Variants in RB1 observed in about 807,000 individuals in gnomAD.
The protein encoded by RB1 is retinoblastoma-associated protein.
Under a neutral mutation model 135.4 loss-of-function variants are expected in RB1, and 18 were observed. The ratio of observed to expected loss-of-function variants is 0.13; its 90% confidence interval spans 0.09 to 0.20. The LOEUF (loss-of-function observed/expected upper bound fraction) is 0.20. RB1 is among the 10% of genes least tolerant of loss of function. RB1 has a pLI of 1.00. For missense variants in RB1, 868 were observed against 1,110.0 expected (o/e 0.78, Z 3.10); for synonymous variants, 365 against 373.2 (o/e 0.98, Z 0.25).
rs1327245272 is a variant in RB1, at chr13:48,480,126, CAG to C, written c.*57_*58del. ...ACACCTCTGGATTCATTGTCTCTCA[CAG>C]ATGTGACTGTATAACTTTCCCAGGT... is the stretch of plus-strand genomic sequence containing the variant. On this transcript the variant is annotated 3_prime_UTR_variant, in exon 27 of 27. Transcript: ENST00000267163. The C allele has an allele frequency of 1.4e-6, 2 of 1,425,178 alleles. No homozygotes were observed. The highest frequency in any genetic ancestry group is 4.7e-5 in the East Asian group (2 of 42,644). The allele number at this position is 1,425,178 out of a possible 1,614,324, so 88.3% of individuals were successfully genotyped here. A position where few individuals can be genotyped will look rare whatever the true frequency, so the allele number is the denominator to read the frequency against.
At chr13:48,421,435 A>G (rs1305715810) in intron 17 of RB1, among the ~76,000 whole-genome samples, 1 of 152,202 alleles carries the variant, frequency 6.6e-6, no homozygotes, top group East Asian at 1.9e-4. Context: ...CCTAGGCAAT[A>G]CCATTCAGGA....
intron 23 of RB1, among the ~76,000 whole-genome samples, chr13:48,472,896 G>T (rs770263754): frequency 3.3e-5 from 5 of 152,032 alleles, no homozygotes; most frequent in Non-Finnish European, 7.4e-5. Context: ...GACTAATAAA[G>T]ATTTCTGACT....
chr13:48,397,725 A>T (rs1442637306), intron 17 of RB1, among the ~76,000 whole-genome samples: 1 of 152,216 alleles, frequency 6.6e-6, no homozygotes, highest in Non-Finnish European at 1.5e-5. Context: ...TATGAGTATA[A>T]TTTGTAATGA....
chr13:48,386,074 A>C (rs1442325310), intron 17 of RB1, among the ~76,000 whole-genome samples: 1 of 149,208 alleles, frequency 6.7e-6, no homozygotes, highest in Non-Finnish European at 1.5e-5. Context: ...GTGTGATGGC[A>C]TGGTGGCATG....
chr13:48,328,188 G>T, intron 2 of RB1: 1 of 1,483,856 alleles, frequency 6.7e-7, no homozygotes, highest in Admixed American at 1.7e-5. Context: ...GTTTGGTCCA[G>T]CTGATGTTGG....
chr13:48,326,909 C>T (rs1331193667), intron 2 of RB1, among the ~76,000 whole-genome samples: 5 of 151,880 alleles, frequency 3.3e-5, no homozygotes, highest in African/African-American at 1.2e-4. Context: ...AGAAAACACC[C>T]TACAATACAC....
At position 48,459,809 on chromosome 13, in the gene RB1, C is replaced by G. The variant is rs762033186; in HGVS notation, c.2082C>G (p.Leu694=). The part of the protein sequence containing the change: ...FQHTLQNEYE[L]MRDRHLDQIM... ...ACACCCTGCAGAATGAGTATGAACT[C>G]ATGAGAGACAGGCATTTGGACCAAG... Residue 694 remains leucine, a synonymous_variant, in exon 20 of 27, where the codon CTC becomes CTG. Transcript: ENST00000267163. The G allele has an allele frequency of 1.2e-6, 2 of 1,613,890 alleles. No individual in the cohort carries two copies. The highest frequency in any genetic ancestry group is 1.7e-6 in the Non-Finnish European group (2 of 1,179,876).
At chr13:48,448,338 A>G (rs1030525657) in intron 17 of RB1, among the ~76,000 whole-genome samples, 2 of 152,124 alleles carry the variant, frequency 1.3e-5, no homozygotes, top group Non-Finnish European at 2.9e-5. Context: ...TTTCCAAAGC[A>G]TACATGCCAC....
intron 17 of RB1, among the ~76,000 whole-genome samples, chr13:48,395,848 CA>C (rs1321543414): frequency 6.6e-6 from 1 of 152,118 alleles, no homozygotes; most frequent in Non-Finnish European, 1.5e-5. Context: ...CCCAACAAAA[CA>C]GGCCAACATT....
At chr13:48,369,849 CCA>C (rs542943451) in intron 11 of RB1, among the ~76,000 whole-genome samples, 200 of 152,058 alleles carry the variant, frequency 1.3e-3, no homozygotes, top group African/African-American at 4.6e-3. Context: ...AGCATGTATC[CCA>C]ATTTATATTG....
At chr13:48,337,316 G>A (rs1952394395) in intron 2 of RB1, among the ~76,000 whole-genome samples, 1 of 152,184 alleles carries the variant, frequency 6.6e-6, no homozygotes, top group Admixed American at 6.5e-5. Context: ...GAGAGTCTAA[G>A]TCTCTTTGTA....
intron 17 of RB1, among the ~76,000 whole-genome samples, chr13:48,398,428 C>T (rs968234784): frequency 2.0e-5 from 3 of 152,014 alleles, no homozygotes; most frequent in African/African-American, 4.8e-5. Flanking sequence ...CCCACTATGT[C>T]TATTTTTCCA....
At chr13:48,306,787 T>C (rs1952084287) in intron 1 of RB1, among the ~76,000 whole-genome samples, 1 of 152,264 alleles carries the variant, frequency 6.6e-6, no homozygotes, top group African/African-American at 2.4e-5. Flanking sequence ...TATTAAATGC[T>C]TGTCTTTGTT....
intron 1 of RB1, among the ~76,000 whole-genome samples, chr13:48,306,005 C>T (rs919981515): frequency 2.6e-5 from 4 of 152,192 alleles, no homozygotes; most frequent in East Asian, 1.9e-4. Context: ...TGTGATGGCG[C>T]GTACCTGTAG....
intron 2 of RB1, among the ~76,000 whole-genome samples, chr13:48,332,001 C>G (rs557026626): frequency 1.3e-5 from 2 of 152,140 alleles, no homozygotes; most frequent in East Asian, 3.9e-4. Flanking sequence ...CAAATTGAAC[C>G]ATTGTAAGTC....
Position 48,412,763 on chromosome 13 carries a change from T to A in RB1, c.1695+31320T>A, listed in dbSNP as rs984402528. On this transcript the variant is annotated intron_variant, in intron 17 of 26. Coordinates refer to ENST00000267163, the MANE Select transcript of RB1 (RefSeq NM_000321.3). Reference sequence around the variant, plus strand: ...TTATAAATTTAAAGAAAAGCTGTGATCTGTGACCAGAATGAAACCACTTGT... The same window carrying A: ...TTATAAATTTAAAGAAAAGCTGTGAACTGTGACCAGAATGAAACCACTTGT... 1.8e-5 allele frequency: 6 copies of A among 331,176 alleles called. No homozygotes were observed. The Admixed American group carries it at 2.8e-4, about 15-fold the overall frequency. 20.5% of individuals were successfully genotyped at this position (331,176 alleles called of 1,614,324 possible). A position where few individuals can be genotyped will look rare whatever the true frequency, so the allele number is the denominator to read the frequency against.
rs756308104 is a variant in RB1, at chr13:48,411,882, A to C, written c.1695+30439A>C. 1 of 1,613,722 alleles carries C rather than the reference A, an allele frequency of 6.2e-7. No homozygotes were observed. Among genetic ancestry groups the C allele is most frequent in the East Asian group, 2.2e-5 (1 of 44,798 alleles). ...TTCGATGAAAATTACAATCCTTGAG[A>C]GATATGTTTTCCATGTGGCTTCTGG... On this transcript the variant is annotated intron_variant, in intron 17 of 26. Transcript: ENST00000267163.
chr13:48,444,649 G>A (rs9595909), intron 17 of RB1: 9,023 of 152,368 alleles, frequency 0.059, 599 homozygotes, highest in African/African-American at 0.16. Flanking sequence ...CCCTCTGGGG[G>A]CCACACCCTC....
chr13:48,457,577 G>A (rs1566234546), intron 19 of RB1, among the ~76,000 whole-genome samples: 1 of 152,208 alleles, frequency 6.6e-6, no homozygotes, highest in Non-Finnish European at 1.5e-5. Flanking sequence ...GGCCTCAACA[G>A]GGACTCATCC....
Sources: allele counts gnomAD v4.1 joint callset (sites outside exome capture counted in the v4.1 genomes callset), GRCh38; gene constraint gnomAD v4.1.1; transcripts MANE v1.5; gene names NCBI Gene and HGNC (gene_info 2026-07-23, HGNC 2026-07-21).